Variants in NPFFR2 observed in about 807,000 individuals in gnomAD.
NPFFR2 encodes G-protein coupled receptor 74.
A neutral mutation model predicts 13.1 loss-of-function variants in NPFFR2; 15 were observed. The ratio of observed to expected loss-of-function variants is 1.15; its 90% CI spans 0.77 to 1.76. The LOEUF is 1.76. Ranked by LOEUF, NPFFR2 falls within the 40% of genes most tolerant of loss-of-function variation. The pLI, the probability that NPFFR2 is intolerant of heterozygous loss-of-function variation, is 0.00. For synonymous variants in NPFFR2, 190 were observed against 175.7 expected (o/e 1.08, Z -0.65); for missense variants, 572 against 503.5 (o/e 1.14, Z -1.30).
At chr4:72,137,543 G>A (rs1443788376) in intron 2 of NPFFR2, among the ~76,000 whole-genome samples, 1 of 152,058 alleles carries the variant, frequency 6.6e-6, no homozygotes, top group African/African-American at 2.4e-5. Context: ...TGTAACTCCT[G>A]ATTCCTCATA....
chr4:72,040,469 T>C (rs1719177237), intron 1 of NPFFR2, among the ~76,000 whole-genome samples: 1 of 152,156 alleles, frequency 6.6e-6, no homozygotes, highest in African/African-American at 2.4e-5. Flanking sequence ...TATCCTTGAT[T>C]CTGTTTCACT....
intron 3 of NPFFR2, among the ~76,000 whole-genome samples, chr4:72,141,100 G>GTGATAATCAGTGA (rs1278141893): frequency 4.0e-5 from 6 of 151,164 alleles, no homozygotes; most frequent in African/African-American, 1.5e-4. Flanking sequence ...GGGATCAGTG[G>GTGATAATCAGTGA]TGATATCCCC....
intron 1 of NPFFR2, among the ~76,000 whole-genome samples, chr4:72,054,645 TAAAG>T (rs1029779330): frequency 2.6e-5 from 4 of 151,766 alleles, no homozygotes; most frequent in Admixed American, 1.3e-4. Context: ...TATCAAAACT[TAAAG>T]AAACAATTTT....
intron 1 of NPFFR2, among the ~76,000 whole-genome samples, chr4:72,094,817 A>G (rs564804308): frequency 6.6e-6 from 1 of 152,292 alleles, no homozygotes; most frequent in African/African-American, 2.4e-5. Context: ...TCCACTTCAA[A>G]AAGTCTGTGG....
At chr4:72,047,242 G>T (rs1719405729) in intron 1 of NPFFR2, among the ~76,000 whole-genome samples, 1 of 152,076 alleles carries the variant, frequency 6.6e-6, no homozygotes, top group Admixed American at 6.6e-5. Flanking sequence ...AATTGCCAAA[G>T]AGATTAATAT....
At position 72,084,336 on chromosome 4, in the gene NPFFR2, C is replaced by T. The variant is rs76015793; in HGVS notation, c.-7-44249C>T. 1.4e-3 allele frequency among the ~76,000 whole-genome samples: 211 copies of T among 152,106 alleles called. 2 individuals are homozygous for T. Among genetic ancestry groups the T allele is most frequent in the African/African-American group, 4.8e-3 (201 of 41,502 alleles). ...ACAGTATGTTGTAGCTGGGAAACTG[C>T]AAAACATTAATATGGCTGAGGATAA... On this transcript the variant is annotated intron_variant, in intron 1 of 3. Transcript: ENST00000308744.
chr4:72,060,897 G>A (rs1338472426), intron 1 of NPFFR2, among the ~76,000 whole-genome samples: 1 of 152,080 alleles, frequency 6.6e-6, no homozygotes, highest in African/African-American at 2.4e-5. Context: ...TTTTGCCACT[G>A]CATGTTAGAG....
Position 72,094,234 on chromosome 4 carries a change from G to A in NPFFR2, c.-7-34351G>A, listed in dbSNP as rs534114201. 7.9e-5 allele frequency among the ~76,000 whole-genome samples: 12 copies of A among 152,264 alleles called. No homozygotes were observed. The South Asian group carries it at 1.9e-3, about 24-fold the overall frequency. ...TACTAACACCTCCTCCGGTGGAGGC[G>A]GCAGGGGAGTGAAGTGGACTCCATG... On this transcript the variant is annotated intron_variant, in intron 1 of 3. Transcript: ENST00000308744.
At chr4:72,088,524 T>G (rs1450356707) in intron 1 of NPFFR2, among the ~76,000 whole-genome samples, 1 of 152,084 alleles carries the variant, frequency 6.6e-6, no homozygotes, top group Non-Finnish European at 1.5e-5. Flanking sequence ...TATGTTTGCT[T>G]TTGTAGATTT....
At chr4:72,122,139 G>T (rs1721901685) in intron 1 of NPFFR2, among the ~76,000 whole-genome samples, 1 of 151,776 alleles carries the variant, frequency 6.6e-6, no homozygotes, top group African/African-American at 2.4e-5. Context: ...AACTGACAAA[G>T]ATCAAAAAAG....
At chr4:72,041,588 T>A (rs1299821041) in intron 1 of NPFFR2, among the ~76,000 whole-genome samples, 1 of 152,228 alleles carries the variant, frequency 6.6e-6, no homozygotes, top group African/African-American at 2.4e-5. Flanking sequence ...TTTTCCACAG[T>A]GGCTGAACTA....
chr4:72,044,554 T>C (rs777309381), intron 1 of NPFFR2, among the ~76,000 whole-genome samples: 4 of 152,302 alleles, frequency 2.6e-5, no homozygotes, highest in African/African-American at 7.2e-5. Context: ...CTCACCAGTG[T>C]CAGTTATTTT....
intron 1 of NPFFR2, among the ~76,000 whole-genome samples, chr4:72,035,062 ATTTTACCCCTC>A (rs893015973): frequency 6.6e-6 from 1 of 152,222 alleles, no homozygotes; most frequent in Non-Finnish European, 1.5e-5. Context: ...TTCTAAAATT[ATTTTACCCCTC>A]TAGATTTCTC....
intron 1 of NPFFR2, among the ~76,000 whole-genome samples, chr4:72,117,547 A>G (rs28602397): frequency 0.081 from 12,333 of 152,182 alleles, 1,556 homozygotes; most frequent in African/African-American, 0.27. Flanking sequence ...ACTCCAGAAC[A>G]CCAGTATTTG....
At chr4:72,139,982 A>G (rs1722550955) in intron 3 of NPFFR2, among the ~76,000 whole-genome samples, 1 of 152,068 alleles carries the variant, frequency 6.6e-6, no homozygotes, top group East Asian at 1.9e-4. Flanking sequence ...CATCCCTTGT[A>G]AGTTGGATTC....
At chr4:72,045,158 T>C (rs964202645) in intron 1 of NPFFR2, among the ~76,000 whole-genome samples, 6 of 152,232 alleles carry the variant, frequency 3.9e-5, no homozygotes, top group African/African-American at 1.4e-4. Context: ...CTTTCCTCAA[T>C]GTATGTTCTA....
Position 72,147,138 on chromosome 4 carries a change from C to A in NPFFR2, c.589C>A (p.Gln197Lys). 1 of 1,614,092 alleles carries A rather than the reference C, an allele frequency of 6.2e-7. No individual in the cohort carries two copies. The highest frequency in any genetic ancestry group is 8.5e-7 in the Non-Finnish European group (1 of 1,180,014). ...ATATTACCGAGTGAGACTCAACTCC[C>A]AGAATAAAACCAGTCCAGTCTACTG... Reference protein sequence around the residue: ...EKYYRVRLNSQNKTSPVYWCR... With the variant: ...EKYYRVRLNSKNKTSPVYWCR... Residue 197 changes from glutamine (Q) to lysine (K), a missense_variant, in exon 4 of 4, where the codon CAG (glutamine) becomes AAG (lysine). Physicochemically the swap from Gln to Lys is moderately conservative, Grantham distance 53. Coordinates refer to ENST00000308744, the MANE Select transcript of NPFFR2 (RefSeq NM_004885.3).
chr4:72,063,964 G>A lies in NPFFR2; in HGVS notation c.-8+31764G>A, dbSNP rs376302195. 2.0e-4 allele frequency among the ~76,000 whole-genome samples: 31 copies of A among 152,204 alleles called. 1 individual carries two copies. Among genetic ancestry groups the A allele is most frequent in the East Asian group, 1.4e-3 (7 of 5,172 alleles). On this transcript the variant is annotated intron_variant, in intron 1 of 3. Transcript: ENST00000308744. ...AACCAATGACTGGGTCTCGATTTAC[G>A]TTTATAGTTTACCATTTAGGAAAAA...
chr4:72,098,444 T>G (rs1560410499), intron 1 of NPFFR2, among the ~76,000 whole-genome samples: 2 of 131,680 alleles, frequency 1.5e-5, no homozygotes, highest in Non-Finnish European at 3.2e-5. Context: ...ATTTGTGAAC[T>G]TTCCCAAAAT....
Sources: gnomAD v4.1 joint callset for allele counts (sites outside exome capture counted in the v4.1 genomes callset) on GRCh38, gnomAD v4.1.1 for gene constraint, MANE v1.5 for transcripts, NCBI Gene and HGNC (gene_info 2026-07-23, HGNC 2026-07-21) for gene names.